Variants in SNTG1 observed in about 807,000 individuals in gnomAD.
The protein encoded by SNTG1 is gamma-1-syntrophin.
In SNTG1, 39 loss-of-function variants were observed where a neutral mutation model predicts 74.7. The observed-to-expected ratio is 0.52, with a 90% CI of 0.40 to 0.68. The LOEUF is 0.68. Among genes scored for constraint, SNTG1 ranks in the 30% least tolerant of loss-of-function variants. SNTG1 has a pLI of 0.00. For missense variants in SNTG1, 685 were observed against 609.5 expected (o/e 1.12, Z -1.30); for synonymous variants, 254 against 217.1 (o/e 1.17, Z -1.49).
At chr8:50,506,111 C>T (rs1315002786) in intron 9 of SNTG1, among the ~76,000 whole-genome samples, 1 of 152,206 alleles carries the variant, frequency 6.6e-6, no homozygotes. Context: ...GAAGACTATT[C>T]TTTCCCTATT....
chr8:50,717,449 G>A (rs1334453374), intron 17 of SNTG1, among the ~76,000 whole-genome samples: 5 of 152,074 alleles, frequency 3.3e-5, no homozygotes, highest in Non-Finnish European at 5.9e-5. Context: ...TCCTTACAGC[G>A]TTATTCTAAA....
At chr8:50,239,499 T>C (rs1344204161) in intron 2 of SNTG1, among the ~76,000 whole-genome samples, 1 of 152,146 alleles carries the variant, frequency 6.6e-6, no homozygotes, top group Non-Finnish European at 1.5e-5. Flanking sequence ...GAGAATTCAT[T>C]TACTGTCCAT....
In SNTG1 at chr8:50,150,666, C is replaced by A. The variant is rs1337580704; in HGVS notation, c.-102-21895C>A. ...GTTAAGATAATCATGTGGTTTTTGTCTTTGGTTCTGTTTATATGATGGATT... is the reference window on the plus strand; with the variant it reads ...GTTAAGATAATCATGTGGTTTTTGTATTTGGTTCTGTTTATATGATGGATT... On this transcript the variant is annotated intron_variant, in intron 1 of 18. Coordinates refer to ENST00000642720, the MANE Select transcript of SNTG1 (RefSeq NM_018967.5). Among the ~76,000 whole-genome samples, 6 of 152,072 alleles carry A rather than the reference C, an allele frequency of 3.9e-5. No individual in the cohort carries two copies. The East Asian group carries it at 7.7e-4, about 20-fold the overall frequency.
intron 15 of SNTG1, among the ~76,000 whole-genome samples, chr8:50,676,913 A>T (rs2095311761): frequency 6.6e-6 from 1 of 152,010 alleles, no homozygotes; most frequent in Non-Finnish European, 1.5e-5. Flanking sequence ...AGAAAGATTC[A>T]GTCACTTTAT....
intron 13 of SNTG1, among the ~76,000 whole-genome samples, chr8:50,595,140 GAGAA>G (rs1257032427): frequency 6.6e-6 from 1 of 151,460 alleles, no homozygotes; most frequent in African/African-American, 2.4e-5. Context: ...TTTTCAATTT[GAGAA>G]AGAAACTCTC....
chr8:50,161,865 C>CT (rs779135072), intron 1 of SNTG1, among the ~76,000 whole-genome samples: 2 of 152,090 alleles, frequency 1.3e-5, no homozygotes, highest in Non-Finnish European at 2.9e-5. Flanking sequence ...AGATAATTGT[C>CT]TTTAAAAAAA....
intron 4 of SNTG1, among the ~76,000 whole-genome samples, chr8:50,431,363 T>C (rs2131526327): frequency 6.6e-6 from 1 of 152,330 alleles, no homozygotes; most frequent in African/African-American, 2.4e-5. Context: ...CCATGTCTTT[T>C]TGCAGCTTGA....
At chr8:50,584,895 T>G (rs1219805899) in intron 12 of SNTG1, among the ~76,000 whole-genome samples, 2 of 152,024 alleles carry the variant, frequency 1.3e-5, no homozygotes, top group East Asian at 3.9e-4. Context: ...CTGACCTGGG[T>G]GGGCACTGGG....
intron 1 of SNTG1, among the ~76,000 whole-genome samples, chr8:49,945,041 A>C (rs1156873977): frequency 6.6e-6 from 1 of 152,132 alleles, no homozygotes; most frequent in Non-Finnish European, 1.5e-5. Context: ...CTAACTACTG[A>C]TTTTTTAATG....
intron 1 of SNTG1, among the ~76,000 whole-genome samples, chr8:50,003,831 A>G (rs1814967443): frequency 6.6e-6 from 1 of 152,170 alleles, no homozygotes; most frequent in South Asian, 2.1e-4. Flanking sequence ...TGGCATGATC[A>G]GTTAGAATTA....
intron 12 of SNTG1, among the ~76,000 whole-genome samples, chr8:50,554,244 C>A (rs1417496837): frequency 6.6e-6 from 1 of 152,096 alleles, no homozygotes; most frequent in African/African-American, 2.4e-5. Flanking sequence ...AATAGCCATG[C>A]ATATGGTGAT....
chr8:49,984,062 T>C (rs1266123697), intron 1 of SNTG1, among the ~76,000 whole-genome samples: 1 of 152,210 alleles, frequency 6.6e-6, no homozygotes, highest in Non-Finnish European at 1.5e-5. Flanking sequence ...CTTTCAAATA[T>C]TAGATTAAAA....
intron 1 of SNTG1, among the ~76,000 whole-genome samples, chr8:50,059,600 C>T (rs533875747): frequency 4.6e-5 from 7 of 152,148 alleles, no homozygotes; most frequent in South Asian, 4.1e-4. Flanking sequence ...ATGCAATATG[C>T]GACTTTTGTG....
At chr8:50,440,472 A>C (rs2093348371) in intron 5 of SNTG1, among the ~76,000 whole-genome samples, 1 of 152,112 alleles carries the variant, frequency 6.6e-6, no homozygotes, top group African/African-American at 2.4e-5. Flanking sequence ...GAGTTGAATA[A>C]ACTACTGTGT....
chr8:50,708,848 A>G, intron 16 of SNTG1, 38 bp from the exon 17 acceptor site: 1 of 1,408,352 alleles, frequency 7.1e-7, no homozygotes, highest in Non-Finnish European at 1.0e-6. Context: ...TATTGCATCA[A>G]TAACATGAAA....
Position 50,769,135 on chromosome 8 carries a change from G to A in SNTG1, c.1395+17024G>A, listed in dbSNP as rs538046004. 1.0e-3 allele frequency among the ~76,000 whole-genome samples: 157 copies of A among 149,548 alleles called. 1 individual carries two copies. The highest frequency in any genetic ancestry group is 3.7e-3 in the African/African-American group (151 of 40,578). ...ATCAGAATAGTGAATTTCTCTACCC[G>A]TTTGTGTTAAGAGTACTCTGTACTC... On this transcript the variant is annotated intron_variant, in intron 18 of 18. Transcript: ENST00000642720.
intron 2 of SNTG1, among the ~76,000 whole-genome samples, chr8:50,370,352 A>G (rs1294424515): frequency 6.6e-6 from 1 of 152,214 alleles, no homozygotes; most frequent in African/African-American, 2.4e-5. Flanking sequence ...ACTATCTGCT[A>G]CAGTGAGGGC....
At chr8:50,702,547 T>C (rs1469817081) in intron 15 of SNTG1, among the ~76,000 whole-genome samples, 11 of 152,218 alleles carry the variant, frequency 7.2e-5, no homozygotes, top group Admixed American at 5.2e-4. Context: ...ATCTAACATT[T>C]TGGGTGTTTA....
chr8:49,916,857 A>C (rs888653661), intron 1 of SNTG1, among the ~76,000 whole-genome samples: 5 of 151,550 alleles, frequency 3.3e-5, no homozygotes, highest in African/African-American at 4.8e-5. Flanking sequence ...GAAAAAAAAA[A>C]CATAAAAAAT....
Sources: gnomAD v4.1 joint callset for allele counts (sites outside exome capture counted in the v4.1 genomes callset) on GRCh38, gnomAD v4.1.1 for gene constraint, MANE v1.5 for transcripts, NCBI Gene and HGNC (gene_info 2026-07-23, HGNC 2026-07-21) for gene names.